The following UGT2A1 variants were observed in gnomAD, a reference collection of about 807,000 sequenced individuals.
The protein encoded by UGT2A1 is UDP glucuronosyltransferase family 2 member A1 complex locus, also known as UDP-glucuronosyltransferase 2A1.
Under a neutral mutation model 45.4 loss-of-function variants are expected in UGT2A1, and 61 were observed. That is an observed-to-expected ratio of 1.34 (90% CI 1.09 to 1.66). The LOEUF is 1.66. Among genes scored for constraint, UGT2A1 ranks in the 40% most tolerant of loss-of-function variants. The pLI is 0.00. For missense variants in UGT2A1, 649 were observed against 574.3 expected (o/e 1.13, Z -1.33); for synonymous variants, 229 against 196.2 (o/e 1.17, Z -1.40).
At chr4:69,653,090 C>A (rs1390930703) in intron 1 of UGT2A1, 98 bp downstream of exon 1, 2 of 151,854 alleles carry the variant, frequency 1.3e-5, no homozygotes, top group African/African-American at 4.8e-5. Context: ...AAAGGTAAAC[C>A]AGCGTTTTAA....
At chr4:69,641,340 C>G (rs4048747) in intron 2 of UGT2A1, among the ~76,000 whole-genome samples, 54,610 of 151,604 alleles carry the variant, frequency 0.36, 10,132 homozygotes, top group African/African-American at 0.41. Flanking sequence ...TGTATACAAT[C>G]CTATTAGTCT....
chr4:69,620,839 A>C (rs896053098), intron 3 of UGT2A1, among the ~76,000 whole-genome samples: 1 of 151,878 alleles, frequency 6.6e-6, no homozygotes, highest in Non-Finnish European at 1.5e-5. Flanking sequence ...ATAAGGCTAC[A>C]CACCTAACAA....
intron 2 of UGT2A1, among the ~76,000 whole-genome samples, chr4:69,644,039 A>G (rs550175567): frequency 6.6e-6 from 1 of 151,770 alleles, no homozygotes; most frequent in East Asian, 1.9e-4. Flanking sequence ...TTGTGTTTTA[A>G]TAAAGACAAA....
chr4:69,597,606 G>T lies in UGT2A1; in HGVS notation c.996+1640C>A, dbSNP rs185018725. Among the ~76,000 whole-genome samples the T allele has an allele frequency of 1.6e-4, 24 of 152,212 alleles. No homozygotes were observed. In the South Asian group the frequency reaches 1.7e-3, roughly 11 times the overall value. ...GAGGGTGATATCTTAAGTGAAAATA[G>T]ATTGCTATTTTTGGCTTAGTTAATG... On this transcript the variant is annotated intron_variant, in intron 4 of 6. Coordinates refer to ENST00000286604, the MANE Select transcript of UGT2A1 (RefSeq NM_001252275.3).
chr4:69,611,486 G>C (rs971423814), intron 3 of UGT2A1, among the ~76,000 whole-genome samples: 1 of 151,796 alleles, frequency 6.6e-6, no homozygotes, highest in East Asian at 1.9e-4. Flanking sequence ...CTATGACAAG[G>C]TTCATAATAT....
chr4:69,647,251 T>A lies in UGT2A1; in HGVS notation c.394A>T (p.Asn132Tyr). ...SQEICDGVLK[N>Y]QQLMAKLKKS... ...TTTAGCTTTGCCATCAGCTGTTGGT[T>A]TTTAAGAACGCCATCACAGATCTCC... Residue 132 changes from asparagine (N) to tyrosine (Y), a missense_variant, in exon 2 of 7, where the codon AAC (asparagine) becomes TAC (tyrosine). Transcript: ENST00000286604. 1 of 1,613,350 alleles carries A rather than the reference T, an allele frequency of 6.2e-7. No homozygotes were observed. The highest frequency in any genetic ancestry group is 8.5e-7 in the Non-Finnish European group (1 of 1,179,516).
At chr4:69,604,568 G>T (rs1169828350) in intron 3 of UGT2A1, among the ~76,000 whole-genome samples, 2 of 136,090 alleles carry the variant, frequency 1.5e-5, no homozygotes, top group African/African-American at 3.0e-5. Context: ...TCACACATAA[G>T]AATATTAACC....
At chr4:69,635,592 G>A (rs1295491649) in intron 3 of UGT2A1, 99 bp downstream of exon 3, 2 of 173,376 alleles carry the variant, frequency 1.2e-5, no homozygotes, top group Non-Finnish European at 2.5e-5. Context: ...CAATTTGTGA[G>A]GCCAAGGCGG....
At chr4:69,590,661 TTGTG>T in intron 6 of UGT2A1, among the ~76,000 whole-genome samples, 1 of 134,840 alleles carries the variant, frequency 7.4e-6, no homozygotes, top group Middle Eastern at 3.9e-3. Context: ...GTGTGTGTGT[TTGTG>T]TGTCTGTCTG....
chr4:69,644,489 C>T (rs528201602), intron 2 of UGT2A1, among the ~76,000 whole-genome samples: 1 of 151,790 alleles, frequency 6.6e-6, no homozygotes, highest in African/African-American at 2.4e-5. Context: ...GTTTACCATA[C>T]ACCTGAGGAT....
chr4:69,594,386 T>C (rs1718781597), intron 6 of UGT2A1, 91 bp downstream of exon 6: 1 of 1,487,266 alleles, frequency 6.7e-7, no homozygotes, highest in African/African-American at 1.4e-5. Context: ...TATTGGAAAA[T>C]AATTACAAAA....
chr4:69,643,573 A>G lies in UGT2A1; in HGVS notation c.715+3357T>C, dbSNP rs558608440. Among the ~76,000 whole-genome samples, 3 of 151,766 alleles carry G rather than the reference A, an allele frequency of 2.0e-5. No homozygotes were observed. The East Asian group carries it at 5.8e-4, about 29-fold the overall frequency. On this transcript the variant is annotated intron_variant, in intron 2 of 6. Coordinates refer to ENST00000286604, the MANE Select transcript of UGT2A1 (RefSeq NM_001252275.3). ...GTGGCTAGTGCATAGGAAGATATTA[A>G]TATATACTGCTATCATTATTATGAT...
At chr4:69,589,798 A>G (rs1039148544) in intron 6 of UGT2A1, 147 bp from the exon 7 acceptor site, 2 of 1,247,542 alleles carry the variant, frequency 1.6e-6, no homozygotes, top group Admixed American at 5.7e-5. Flanking sequence ...TGTTAGTTGT[A>G]TAGGATTTTA....
At chr4:69,596,418 G>A (rs1428109877) in intron 4 of UGT2A1, 5 of 1,457,194 alleles carry the variant, frequency 3.4e-6, no homozygotes, top group Middle Eastern at 3.7e-4. Flanking sequence ...CAAAGGTGTA[G>A]CATCATAAGA....
At chr4:69,626,245 T>C (rs765793317) in intron 3 of UGT2A1, among the ~76,000 whole-genome samples, 10 of 151,532 alleles carry the variant, frequency 6.6e-5, no homozygotes, top group Non-Finnish European at 1.5e-4. Flanking sequence ...TTAAGTTTAT[T>C]AGATCACATT....
At chr4:69,646,273 A>AT (rs1332749123) in intron 2 of UGT2A1, among the ~76,000 whole-genome samples, 1 of 151,848 alleles carries the variant, frequency 6.6e-6, no homozygotes, top group East Asian at 1.9e-4. Flanking sequence ...ATTTTTAGAC[A>AT]AATATGTGTA....
rs559237044 is a variant in UGT2A1, at chr4:69,595,154, A to G, written c.1084+8T>C. 6.2e-7 allele frequency: 1 copy of G among 1,613,800 alleles called. No homozygotes were observed. Among genetic ancestry groups the G allele is most frequent in the Non-Finnish European group, 8.5e-7 (1 of 1,179,828 alleles). ...CACTGTACAGCTTTTCTTTCCCCACAGTCTTACCAAGAAGATCATTCTGGG... is the reference window on the plus strand; with the variant it reads ...CACTGTACAGCTTTTCTTTCCCCACGGTCTTACCAAGAAGATCATTCTGGG... On this transcript the variant is annotated splice_region_variant and intron_variant, in intron 5 of 6. Coordinates refer to ENST00000286604, the MANE Select transcript of UGT2A1 (RefSeq NM_001252275.3).
At position 69,602,301 on chromosome 4, in the gene UGT2A1, A is replaced by C; in HGVS notation, c.848-2907T>G. On this transcript the variant is annotated intron_variant, in intron 3 of 6. Coordinates refer to ENST00000286604, the MANE Select transcript of UGT2A1 (RefSeq NM_001252275.3). ...TACACCAACAAAGGCACTCCAAACAAAAAAGTTTCATCAAATGTAACCTTT... is the reference window on the plus strand; with the variant it reads ...TACACCAACAAAGGCACTCCAAACACAAAAGTTTCATCAAATGTAACCTTT... Among the ~76,000 whole-genome samples the C allele has an allele frequency of 1.5e-5, 2 of 137,454 alleles. 1 individual carries two copies. The highest frequency in any genetic ancestry group is 3.1e-5 in the Non-Finnish European group (2 of 64,390). The allele number at this position is 137,454 out of a possible 152,430, so 90.2% of individuals were successfully genotyped here.
At chr4:69,627,012 T>C (rs917391400) in intron 3 of UGT2A1, among the ~76,000 whole-genome samples, 11 of 151,896 alleles carry the variant, frequency 7.2e-5, no homozygotes, top group Admixed American at 2.6e-4. Context: ...AACGGTATTT[T>C]ATTTTATTAG....
Sources: allele counts gnomAD v4.1 joint callset (sites outside exome capture counted in the v4.1 genomes callset), GRCh38; gene constraint gnomAD v4.1.1; transcripts MANE v1.5; gene names NCBI Gene and HGNC (gene_info 2026-07-23, HGNC 2026-07-21).